The following R3HCC1L variants were observed in gnomAD, a reference collection of about 807,000 sequenced individuals.
The protein encoded by R3HCC1L is R3H domain and coiled-coil containing 1 like.
A neutral mutation model predicts 59.9 loss-of-function variants in R3HCC1L; 51 were observed. The observed-to-expected ratio is 0.85, with a 90% CI of 0.68 to 1.07. The LOEUF is 1.07. Ranked by LOEUF, R3HCC1L falls within the 50% of genes least tolerant of loss-of-function variation. R3HCC1L has a pLI of 0.00. For synonymous variants in R3HCC1L, 322 were observed against 315.2 expected (o/e 1.02, Z -0.23); for missense variants, 965 against 933.0 (o/e 1.03, Z -0.45).
intron 4 of R3HCC1L, among the ~76,000 whole-genome samples, chr10:98,170,577 C>T (rs1175429520): frequency 3.9e-5 from 6 of 152,186 alleles, no homozygotes; most frequent in East Asian, 1.9e-4. Flanking sequence ...ACTCCCACCT[C>T]GGCTTCCCAG....
chr10:98,192,498 A>G (rs531187414), intron 4 of R3HCC1L, among the ~76,000 whole-genome samples: 11 of 152,320 alleles, frequency 7.2e-5, no homozygotes, highest in African/African-American at 2.2e-4. Flanking sequence ...ACAAAGGATC[A>G]TTAAGTGACT....
chr10:98,179,163 A>C (rs896827058), intron 4 of R3HCC1L, among the ~76,000 whole-genome samples: 36 of 152,298 alleles, frequency 2.4e-4, no homozygotes, highest in Admixed American at 2.2e-3. Context: ...GAATGCTTCC[A>C]GTTTTTGCCC....
Position 98,237,681 on chromosome 10 carries a change from A to C in R3HCC1L, c.2269+1517A>C, listed in dbSNP as rs141512546. Among the ~76,000 whole-genome samples, 5 of 152,198 alleles carry C rather than the reference A, an allele frequency of 3.3e-5. No individual in the cohort carries two copies. The East Asian group carries it at 7.7e-4, about 24-fold the overall frequency. ...AGACCCACTGTGATAAGTTTCTCCT[A>C]CCTATTGGTGCTGAGGCTGTATGGA... On this transcript the variant is annotated intron_variant, in intron 9 of 9. Coordinates refer to ENST00000298999, the MANE Select transcript of R3HCC1L (RefSeq NM_001351015.2).
intron 1 of R3HCC1L, among the ~76,000 whole-genome samples, chr10:98,147,187 C>T (rs1053649567): frequency 2.0e-5 from 3 of 151,886 alleles, no homozygotes; most frequent in Non-Finnish European, 2.9e-5. Context: ...TTTCATATAC[C>T]TGTTGGCCGT....
intron 1 of R3HCC1L, among the ~76,000 whole-genome samples, chr10:98,155,692 T>A (rs1310922702): frequency 6.6e-6 from 1 of 152,092 alleles, no homozygotes; most frequent in Non-Finnish European, 1.5e-5. Flanking sequence ...CTCTCTCTAG[T>A]CCTCTCCCTA....
intron 4 of R3HCC1L, among the ~76,000 whole-genome samples, chr10:98,178,845 C>G (rs1240771319): frequency 6.6e-6 from 1 of 152,138 alleles, no homozygotes; most frequent in African/African-American, 2.4e-5. Flanking sequence ...GGAGTTCACT[C>G]ATGATTTGGC....
intron 1 of R3HCC1L, among the ~76,000 whole-genome samples, chr10:98,142,435 C>T (rs1365310458): frequency 6.7e-6 from 1 of 149,916 alleles, no homozygotes; most frequent in Non-Finnish European, 1.5e-5. Context: ...GCCAGGAGTT[C>T]GAGACCAGCC....
intron 4 of R3HCC1L, among the ~76,000 whole-genome samples, chr10:98,205,022 C>A (rs574233233): frequency 1.2e-4 from 19 of 152,202 alleles, no homozygotes; most frequent in African/African-American, 4.6e-4. Flanking sequence ...ATTGGAGTGT[C>A]TCCTACTGGC....
chr10:98,236,900 C>T (rs1045481722), intron 9 of R3HCC1L, among the ~76,000 whole-genome samples: 8 of 152,296 alleles, frequency 5.3e-5, no homozygotes, highest in African/African-American at 1.9e-4. Context: ...ATTGCCTTAG[C>T]CCACAATTCC....
intron 5 of R3HCC1L, among the ~76,000 whole-genome samples, chr10:98,216,553 T>C (rs1854228842): frequency 6.6e-6 from 1 of 152,110 alleles, no homozygotes; most frequent in Non-Finnish European, 1.5e-5. Context: ...AAATAAGTCT[T>C]GGGTTTTTTT....
At chr10:98,192,170 T>C (rs181192166) in intron 4 of R3HCC1L, among the ~76,000 whole-genome samples, 1 of 152,098 alleles carries the variant, frequency 6.6e-6, no homozygotes, top group Admixed American at 6.6e-5. Flanking sequence ...CTGTTTACTG[T>C]GTTATTATAT....
chr10:98,192,732 A>T (rs370813478), intron 4 of R3HCC1L, among the ~76,000 whole-genome samples: 6 of 152,190 alleles, frequency 3.9e-5, no homozygotes, highest in Admixed American at 2.0e-4. Context: ...ATTGATACCA[A>T]TTCTTCTTAA....
intron 5 of R3HCC1L, among the ~76,000 whole-genome samples, chr10:98,220,012 T>G (rs540924202): frequency 6.6e-6 from 1 of 152,326 alleles, no homozygotes; most frequent in East Asian, 1.9e-4. Flanking sequence ...CTCCCAAAAT[T>G]TAAATATTTG....
At chr10:98,212,663 A>G (rs756313353) in intron 5 of R3HCC1L, among the ~76,000 whole-genome samples, 4 of 152,204 alleles carry the variant, frequency 2.6e-5, no homozygotes, top group Non-Finnish European at 5.9e-5. Flanking sequence ...AATTCTTGGT[A>G]GAAGAACACA....
chr10:98,210,250 A>C (rs1853411225), intron 5 of R3HCC1L, among the ~76,000 whole-genome samples: 1 of 152,170 alleles, frequency 6.6e-6, no homozygotes, highest in Non-Finnish European at 1.5e-5. Flanking sequence ...AGAATAATTT[A>C]TTACTATTGT....
At position 98,134,720 on chromosome 10, in the gene R3HCC1L, C is replaced by T. The variant is rs992397060; in HGVS notation, c.-268+14C>T. The T allele has an allele frequency of 2.6e-5, 4 of 152,294 alleles. No homozygotes were observed. The highest frequency in any genetic ancestry group is 7.2e-5 in the African/African-American group (3 of 41,478). 9.4% of individuals were successfully genotyped at this position (152,294 alleles called of 1,614,324 possible). On this transcript the variant is annotated intron_variant, in intron 1 of 9. Transcript: ENST00000298999. ...AACAGCGCGCCGGTAACAACCAGCC[C>T]CGTATCCCCTCCCTCTGTACCTCAA...
rs764692559 is a variant in R3HCC1L, at chr10:98,209,150, A to G, written c.1036A>G (p.Lys346Glu). The G allele has an allele frequency of 1.9e-6, 3 of 1,613,876 alleles. No individual in the cohort carries two copies. The South Asian group carries it at 3.3e-5, about 18-fold the overall frequency. ...CAGCACTGCTGATGAGTTACATGTAAAGCACGAACCTCCTGATACAGCTGT... is the reference window on the plus strand; with the variant it reads ...CAGCACTGCTGATGAGTTACATGTAGAGCACGAACCTCCTGATACAGCTGT... ...NDSTADELHVKHEPPDTAVLA... is the reference protein window; with the variant it reads ...NDSTADELHVEHEPPDTAVLA... The change falls in exon 5 of 10, where the codon AAG becomes GAG. Residue 346 changes from lysine (K) to glutamate (E), a missense_variant. Transcript: ENST00000298999.
chr10:98,227,500 T>G (rs1855796157), intron 5 of R3HCC1L, among the ~76,000 whole-genome samples: 1 of 151,730 alleles, frequency 6.6e-6, no homozygotes, highest in African/African-American at 2.4e-5. Context: ...TGGGTGAACT[T>G]TTGATTAACA....
chr10:98,189,272 T>G (rs1850574651), intron 4 of R3HCC1L, among the ~76,000 whole-genome samples: 1 of 152,150 alleles, frequency 6.6e-6, no homozygotes, highest in Non-Finnish European at 1.5e-5. Flanking sequence ...ATCTGGAGGT[T>G]GTAGTACAGC....
Sources: gnomAD v4.1 joint callset for allele counts (sites outside exome capture counted in the v4.1 genomes callset) on GRCh38, gnomAD v4.1.1 for gene constraint, MANE v1.5 for transcripts, NCBI Gene and HGNC (gene_info 2026-07-23, HGNC 2026-07-21) for gene names.